The following TESK1 variants were observed in gnomAD, a reference collection of about 807,000 sequenced individuals.
The protein encoded by TESK1 is testis associated actin remodelling kinase 1.
In TESK1, 18 loss-of-function variants were observed where a neutral mutation model predicts 59.9. That is an observed-to-expected ratio of 0.30 (90% CI 0.21 to 0.45). The LOEUF (loss-of-function observed/expected upper bound fraction) is 0.45, where lower values mean the gene tolerates loss of function less well. Ranked by LOEUF, TESK1 falls within the 20% of genes least tolerant of loss-of-function variation. TESK1 has a pLI of 1.00. For missense variants in TESK1, 748 were observed against 840.9 expected (o/e 0.89, Z 1.37); for synonymous variants, 341 against 357.4 (o/e 0.95, Z 0.52).
At position 35,607,143 on chromosome 9, in the gene TESK1, G is replaced by A; in HGVS notation, c.537+160G>A. 8.0e-7 allele frequency: 1 copy of A among 1,256,962 alleles called. No individual in the cohort carries two copies. The highest frequency in any genetic ancestry group is 1.4e-5 in the South Asian group (1 of 70,288). The allele number at this position is 1,256,962 out of a possible 1,614,324, so 77.9% of individuals were successfully genotyped here. ...GACCAGGGTGAGGGGAGTGCTCGGA[G>A]GGACTGAGTAGCACCCTGTGTTTGG... On this transcript the variant is annotated intron_variant, in intron 4 of 9. Coordinates refer to ENST00000336395, the MANE Select transcript of TESK1 (RefSeq NM_006285.3). This position sits in a 1 kb window ranked among gnomAD's most constrained non-coding sequence, Gnocchi z 4.5.
rs1002067089 is a variant in TESK1, at chr9:35,609,902, G to A, written c.*160G>A. On this transcript the variant is annotated 3_prime_UTR_variant, in exon 10 of 10. Coordinates refer to ENST00000336395, the MANE Select transcript of TESK1 (RefSeq NM_006285.3). This position sits in a 1 kb window ranked among gnomAD's most constrained non-coding sequence, Gnocchi z 6.7. ...GGACTCAAGGGACAGAGCACTTCCA[G>A]TCGACCCCCCGGCTCGCGTTCCCGT... The A allele has an allele frequency of 3.5e-6, 3 of 848,618 alleles. No individual in the cohort carries two copies. The highest frequency in any genetic ancestry group is 1.7e-5 in the African/African-American group (1 of 58,020). The allele number at this position is 848,618 out of a possible 1,614,324, so 52.6% of individuals were successfully genotyped here.
At position 35,609,246 on chromosome 9, in the gene TESK1, C is replaced by A. The variant is rs774921685; in HGVS notation, c.1385C>A (p.Pro462His). Residue 462 changes from proline to histidine, a missense_variant, in exon 10 of 10, where the codon CCC becomes CAC. Coordinates refer to ENST00000336395, the MANE Select transcript of TESK1 (RefSeq NM_006285.3). This position sits in a 1 kb window ranked among gnomAD's most constrained non-coding sequence, Gnocchi z 6.7. ...GGTCCTGGCCCTCCCGCTGTGGGCC[C>A]CTCGGCTGAAGAGAAGATGGAGTGC... The part of the protein sequence containing the change: ...LPGPGPPAVG[P>H]SAEEKMECEG... 2 of 1,614,162 alleles carry A rather than the reference C, an allele frequency of 1.2e-6. No homozygotes were observed. Among genetic ancestry groups the A allele is most frequent in the Non-Finnish European group, 1.7e-6 (2 of 1,180,026 alleles).
chr9:35,607,248 A>G lies in TESK1; in HGVS notation c.538-79A>G, dbSNP rs1414032191. The G allele has an allele frequency of 5.8e-6, 9 of 1,555,290 alleles. No individual in the cohort carries two copies. Among genetic ancestry groups the G allele is most frequent in the Non-Finnish European group, 8.0e-6 (9 of 1,128,224 alleles). ...AGGGTTGGAGTTATGCTGGAGTGAC[A>G]GGGCTTTGGGTTATACATTGGGAGG... is the stretch of plus-strand genomic sequence containing the variant. On this transcript the variant is annotated intron_variant, in intron 4 of 9. Coordinates refer to ENST00000336395, the MANE Select transcript of TESK1 (RefSeq NM_006285.3). This position sits in a 1 kb window ranked among gnomAD's most constrained non-coding sequence, Gnocchi z 4.5.
rs763054166 is a variant in TESK1, at chr9:35,609,307, A to AGCGCCC, written c.1447_1452dup (p.Ala483_Pro484dup). The AGCGCCC allele has an allele frequency of 1.3e-5, 21 of 1,613,884 alleles. No homozygotes were observed. The East Asian group carries it at 4.5e-4, about 34-fold the overall frequency. ...GCCCTGAGCCGGAACCTCCAGGGCC[A>AGCGCCC]GCGCCCCAGCTGCCTCTGGCTGTGG... On this transcript the variant is annotated inframe_insertion, in exon 10 of 10. Coordinates refer to ENST00000336395, the MANE Select transcript of TESK1 (RefSeq NM_006285.3). The surrounding 1 kb of genome is among the most constrained non-coding windows in gnomAD (Gnocchi z 6.7).
intron 3 of TESK1, 62 bp from the exon 4 acceptor site, chr9:35,606,775 T>C: frequency 6.6e-7 from 1 of 1,517,964 alleles, no homozygotes; most frequent in Non-Finnish European, 8.9e-7. Context: ...AGCGTGTAAG[T>C]GGGGGACCTA....
rs1248942014 is a variant in TESK1 at position 35,605,504 on chromosome 9, G to A, written c.-116G>A. 2 of 261,646 alleles carry A rather than the reference G, an allele frequency of 7.6e-6. No homozygotes were observed. The highest frequency in any genetic ancestry group is 2.3e-5 in the African/African-American group (1 of 43,754). 16.2% of individuals were successfully genotyped at this position (261,646 alleles called of 1,614,324 possible). A position where few individuals can be genotyped will look rare whatever the true frequency, so the allele number is the denominator to read the frequency against. On this transcript the variant is annotated 5_prime_UTR_variant, in exon 1 of 10. Coordinates refer to ENST00000336395, the MANE Select transcript of TESK1 (RefSeq NM_006285.3). ...TCGGCGGATCTTCCATTCTCAGGGC[G>A]GGAGCCGGAGTCCGGGCGCCCGGGA...
rs1266390016 is a variant in TESK1 at position 35,605,583 on chromosome 9, C to G, written c.-37C>G. 2 of 725,632 alleles carry G rather than the reference C, an allele frequency of 2.8e-6. No homozygotes were observed. The highest frequency in any genetic ancestry group is 3.7e-6 in the Non-Finnish European group (2 of 544,322). 44.9% of individuals were successfully genotyped at this position (725,632 alleles called of 1,614,324 possible). ...GCGGCCTGCCCGGGCCCTGGGGACC[C>G]TGCCATGTGAGGCAGGCCCGGGCTG... On this transcript the variant is annotated 5_prime_UTR_variant, in exon 1 of 10. Transcript: ENST00000336395.
At position 35,607,908 on chromosome 9, in the gene TESK1, C is replaced by T. The variant is rs1172614738; in HGVS notation, c.712-20C>T. On this transcript the variant is annotated intron_variant, in intron 6 of 9. Coordinates refer to ENST00000336395, the MANE Select transcript of TESK1 (RefSeq NM_006285.3). This position sits in a 1 kb window ranked among gnomAD's most constrained non-coding sequence, Gnocchi z 4.5. ...GAAAACTGTTAATTCTTCCCCGACA[C>T]TATTATCTCTGACCCCCAGGCTGAT... is the stretch of plus-strand genomic sequence containing the variant. 5 of 1,612,330 alleles carry T rather than the reference C, an allele frequency of 3.1e-6. No individual in the cohort carries two copies. Among genetic ancestry groups the T allele is most frequent in the Non-Finnish European group, 4.2e-6 (5 of 1,179,126 alleles).
In TESK1 at chr9:35,606,100, C is replaced by T. The variant is rs1163071389; in HGVS notation, c.336C>T (p.Ile112=). The T allele has an allele frequency of 6.2e-7, 1 of 1,614,156 alleles. No homozygotes were observed. The highest frequency in any genetic ancestry group is 8.5e-7 in the Non-Finnish European group (1 of 1,180,006). ...QLMNRLRHPN[I]LRFMGVCVHQ... ...TGAACCGGCTCAGGCACCCCAACAT[C>T]CTAAGGTGAGCGGCCCCAGTCTCTG... The change falls in exon 2 of 10, where the codon ATC becomes ATT. Residue 112 remains isoleucine (I), a synonymous_variant. Coordinates refer to ENST00000336395, the MANE Select transcript of TESK1 (RefSeq NM_006285.3).
At chr9:35,606,394 C>T (rs761748135) in intron 3 of TESK1, 109 bp downstream of exon 3, 9 of 1,355,486 alleles carry the variant, frequency 6.6e-6, no homozygotes, top group Non-Finnish European at 9.4e-6. Flanking sequence ...GCAACAGGAT[C>T]TCCTCTCAGG....
At chr9:35,608,611 A>G (rs947738901) in intron 9 of TESK1, 102 bp downstream of exon 9, 2 of 1,178,572 alleles carry the variant, frequency 1.7e-6, no homozygotes, top group East Asian at 5.1e-5. Context: ...ATTAGTTGAA[A>G]AGGCTGGGGG....
At position 35,608,269 on chromosome 9, in the gene TESK1, TCCTGCCCCAC is replaced by T. The variant is rs1286360740; in HGVS notation, c.885+29_885+38del. The T allele has an allele frequency of 6.2e-7, 1 of 1,613,516 alleles. No homozygotes were observed. The highest frequency in any genetic ancestry group is 1.1e-5 in the South Asian group (1 of 91,026). ...TGCAACGTAAGAGCCTCACACTCCT[TCCTGCCCCAC>T]CCTGCCCCCATCCGTAAGCTGCCAT... On this transcript the variant is annotated intron_variant, in intron 8 of 9. Coordinates refer to ENST00000336395, the MANE Select transcript of TESK1 (RefSeq NM_006285.3).
chr9:35,607,498 C>CTCCCTCCGTTCCCCAA lies in TESK1; in HGVS notation c.621-84_621-83insTCCCTCCGTTCCCCAA. The CTCCCTCCGTTCCCCAA allele has an allele frequency of 6.3e-7, 1 of 1,582,358 alleles. No individual in the cohort carries two copies. On this transcript the variant is annotated intron_variant, in intron 5 of 9. Coordinates refer to ENST00000336395, the MANE Select transcript of TESK1 (RefSeq NM_006285.3). This position sits in a 1 kb window ranked among gnomAD's most constrained non-coding sequence, Gnocchi z 4.5. ...CCCCAGGGATGTTTCCCTTGGGGAA[C>CTCCCTCCGTTCCCCAA]GGAGGGAGTTCACCTCATCCCCTTT...
Position 35,607,432 on chromosome 9 carries a change from C to T in TESK1, c.620+23C>T. On this transcript the variant is annotated intron_variant, in intron 5 of 9. Coordinates refer to ENST00000336395, the MANE Select transcript of TESK1 (RefSeq NM_006285.3). This position sits in a 1 kb window ranked among gnomAD's most constrained non-coding sequence, Gnocchi z 4.5. The stretch of plus-strand genomic sequence containing the variant: ...TAGGTGAGATGAATGTCCCTGTTCC[C>T]CCCAAATCTCCCAGAGTGCCCCTAT... 1 of 1,613,654 alleles carries T rather than the reference C, an allele frequency of 6.2e-7. No homozygotes were observed. Among genetic ancestry groups the T allele is most frequent in the Non-Finnish European group, 8.5e-7 (1 of 1,179,616 alleles).
Position 35,606,065 on chromosome 9 carries a change from G to C in TESK1, c.301G>C (p.Val101Leu). 1 of 1,614,204 alleles carries C rather than the reference G, an allele frequency of 6.2e-7. No individual in the cohort carries two copies. Among genetic ancestry groups the C allele is most frequent in the Non-Finnish European group, 8.5e-7 (1 of 1,180,020 alleles). ...PSNRGNTLRE[V>L]QLMNRLRHPN... ...TAACCGGGGCAACACACTACGGGAA[G>C]TGCAGCTGATGAACCGGCTCAGGCA... The change falls in exon 2 of 10, where the codon GTG (valine) becomes CTG (leucine). Residue 101 changes from valine to leucine, a missense_variant. This residue lies in a region of TESK1 where 168 missense variants were observed against 257.4 expected (regional missense o/e 0.65). Coordinates refer to ENST00000336395, the MANE Select transcript of TESK1 (RefSeq NM_006285.3).
At position 35,609,559 on chromosome 9, in the gene TESK1, G is replaced by A; in HGVS notation, c.1698G>A (p.Leu566=). ...CTCCCCGGGAGCCCGATGAGGGGCT[G>A]CCCTGTCCTGGCTGCTGCCTCGGCC... ...PSAPREPDEG[L]PCPGCCLGPF... The change falls in exon 10 of 10, where the codon CTG becomes CTA. Residue 566 remains leucine, a synonymous_variant. Transcript: ENST00000336395. This position sits in a 1 kb window ranked among gnomAD's most constrained non-coding sequence, Gnocchi z 6.7. The A allele has an allele frequency of 1.9e-6, 3 of 1,613,566 alleles. No individual in the cohort carries two copies. The highest frequency in any genetic ancestry group is 2.5e-6 in the Non-Finnish European group (3 of 1,179,824).
At position 35,609,912 on chromosome 9, in the gene TESK1, C is replaced by T. The variant is rs796747598; in HGVS notation, c.*170C>T. 18 of 726,576 alleles carry T rather than the reference C, an allele frequency of 2.5e-5. 1 individual carries two copies. The highest frequency in any genetic ancestry group is 1.1e-4 in the African/African-American group (6 of 55,886). 45.0% of individuals were successfully genotyped at this position (726,576 alleles called of 1,614,324 possible). A position where few individuals can be genotyped will look rare whatever the true frequency, so the allele number is the denominator to read the frequency against. On this transcript the variant is annotated 3_prime_UTR_variant, in exon 10 of 10. Coordinates refer to ENST00000336395, the MANE Select transcript of TESK1 (RefSeq NM_006285.3). The surrounding 1 kb of genome is among the most constrained non-coding windows in gnomAD (Gnocchi z 6.7). ...GACAGAGCACTTCCAGTCGACCCCC[C>T]GGCTCGCGTTCCCGTGGGGATCACT...
rs1563891855 is a variant in TESK1 at position 35,607,948 on chromosome 9, G to A, written c.732G>A (p.Gly244=). The A allele has an allele frequency of 1.2e-6, 2 of 1,614,134 alleles. No individual in the cohort carries two copies. Residue 244 remains glycine (G), a synonymous_variant, in exon 7 of 10, where the codon GGG becomes GGA. Coordinates refer to ENST00000336395, the MANE Select transcript of TESK1 (RefSeq NM_006285.3). The surrounding 1 kb of genome is among the most constrained non-coding windows in gnomAD (Gnocchi z 4.5). Reference sequence around the variant, plus strand: ...CCCAGGCTGATGTCTTTGCCTTCGGGATTGTCCTCTGTGAGCTCATCGCCC... The same window carrying A: ...CCCAGGCTGATGTCTTTGCCTTCGGAATTGTCCTCTGTGAGCTCATCGCCC... The part of the protein sequence containing the change: ...YDEKADVFAF[G]IVLCELIARV...
Position 35,607,661 on chromosome 9 carries a change from T to C in TESK1, c.700T>C (p.Tyr234His). The C allele has an allele frequency of 3.1e-6, 5 of 1,613,742 alleles. No individual in the cohort carries two copies. The highest frequency in any genetic ancestry group is 4.2e-6 in the Non-Finnish European group (5 of 1,179,754). The stretch of plus-strand genomic sequence containing the variant: ...TCCAGAGGTGTTACGGGGTGAGCTG[T>C]ATGATGAGAAGGTGAGACATCAACC... ...MAPEVLRGEL[Y>H]DEKADVFAFG... The change falls in exon 6 of 10, where the codon TAT becomes CAT. Residue 234 changes from tyrosine (Y) to histidine (H), a missense_variant. This residue lies in a region of TESK1 where 168 missense variants were observed against 257.4 expected (regional missense o/e 0.65). Coordinates refer to ENST00000336395, the MANE Select transcript of TESK1 (RefSeq NM_006285.3). This position sits in a 1 kb window ranked among gnomAD's most constrained non-coding sequence, Gnocchi z 4.5.
Sources: gnomAD v4.1 joint callset for allele counts on GRCh38, gnomAD v4.1.1 for gene constraint, gnomAD v4.1.1 regional missense constraint, Gnocchi (gnomAD v3.1) non-coding constraint, MANE v1.5 for transcripts, NCBI Gene and HGNC (gene_info 2026-07-23, HGNC 2026-07-21) for gene names.